Variants in RBL1 observed in about 807,000 individuals in gnomAD.
RBL1 encodes the protein retinoblastoma-like protein 1.
Under a neutral mutation model 123.0 loss-of-function variants are expected in RBL1, and 82 were observed. The observed-to-expected ratio is 0.67, with a 90% CI of 0.56 to 0.80. RBL1 has a LOEUF of 0.80. Among genes scored for constraint, RBL1 ranks in the 30% least tolerant of loss-of-function variants. The pLI, the probability that RBL1 is intolerant of heterozygous loss-of-function variation, is 0.00. For synonymous variants in RBL1, 405 were observed against 441.3 expected, an observed-to-expected ratio of 0.92 and a Z score of 1.03; for missense variants, 1,171 against 1,299.6, an observed-to-expected ratio of 0.90 and a Z score of 1.52.
chr20:37,042,072 CA>C (rs71186100), intron 13 of RBL1, among the ~76,000 whole-genome samples: 86 of 87,038 alleles, frequency 9.9e-4, no homozygotes, highest in Middle Eastern at 0.014. Context: ...GACTTTGTCT[CA>C]AAAAAAAAAA....
At chr20:36,999,617 G>C (rs970360395) in intron 21 of RBL1, among the ~76,000 whole-genome samples, 21 of 150,944 alleles carry the variant, frequency 1.4e-4, no homozygotes, top group Admixed American at 4.6e-4. Context: ...TCAGCCTGCC[G>C]AGTGCCTGCG....
At position 37,007,568 on chromosome 20, in the gene RBL1, A is replaced by C; in HGVS notation, c.2723-9T>G. On this transcript the variant is annotated splice_polypyrimidine_tract_variant and intron_variant, in intron 19 of 21. Transcript: ENST00000373664. ...TGTAGCATCTTCTAAGTCTGTTAAA[A>C]AGAATGCAATGTTGTGATACAAAGC... The C allele has an allele frequency of 6.2e-7, 1 of 1,610,074 alleles. No individual in the cohort carries two copies. The highest frequency in any genetic ancestry group is 8.5e-7 in the Non-Finnish European group (1 of 1,179,068).
chr20:37,008,898 G>A (rs575218270), intron 19 of RBL1, among the ~76,000 whole-genome samples: 2 of 152,246 alleles, frequency 1.3e-5, no homozygotes, highest in African/African-American at 4.8e-5. Flanking sequence ...TATTATATTG[G>A]AAATTCAGAA....
At chr20:37,060,001 T>C (rs974002873) in intron 9 of RBL1, among the ~76,000 whole-genome samples, 2 of 151,812 alleles carry the variant, frequency 1.3e-5, no homozygotes, top group Non-Finnish European at 2.9e-5. Context: ...GGAGAAACCC[T>C]GTCTCTACTA....
intron 16 of RBL1, among the ~76,000 whole-genome samples, chr20:37,030,869 CAAA>C (rs1327929145): frequency 8.3e-6 from 1 of 119,958 alleles, no homozygotes; most frequent in African/African-American, 3.1e-5. Context: ...AAAAAAAAAA[CAAA>C]AACAAAAAAC....
At chr20:37,040,641 C>A (rs1379454778) in intron 13 of RBL1, among the ~76,000 whole-genome samples, 9 of 152,202 alleles carry the variant, frequency 5.9e-5, no homozygotes, top group Admixed American at 5.9e-4. Flanking sequence ...GTGTGAGCCA[C>A]TGTGCCTGGC....
intron 2 of RBL1, among the ~76,000 whole-genome samples, chr20:37,070,031 G>A (rs987598029): frequency 1.3e-5 from 2 of 152,238 alleles, no homozygotes; most frequent in Admixed American, 6.5e-5. Context: ...ATAGAAGGGC[G>A]GGAAAGGTGG....
At chr20:37,023,453 C>T (rs970198035) in intron 16 of RBL1, among the ~76,000 whole-genome samples, 1 of 152,052 alleles carries the variant, frequency 6.6e-6, no homozygotes, top group Non-Finnish European at 1.5e-5. Context: ...GCTCAGAAGT[C>T]TCTGTCTATT....
intron 1 of RBL1, among the ~76,000 whole-genome samples, chr20:37,091,446 T>C (rs1213730205): frequency 1.3e-5 from 2 of 151,526 alleles, no homozygotes; most frequent in African/African-American, 2.4e-5. Flanking sequence ...AGGCAGAGGA[T>C]TGCTTGAGCT....
intron 2 of RBL1, among the ~76,000 whole-genome samples, chr20:37,071,897 A>C (rs1483877900): frequency 6.6e-6 from 1 of 152,104 alleles, no homozygotes; most frequent in East Asian, 1.9e-4. Context: ...TGAGGCCCTC[A>C]CCAGGAGCAG....
chr20:37,040,213 A>T lies in RBL1; in HGVS notation c.1843T>A (p.Ser615Thr). 1.2e-6 allele frequency: 2 copies of T among 1,614,044 alleles called. No homozygotes were observed. Among genetic ancestry groups the T allele is most frequent in the Non-Finnish European group, 1.7e-6 (2 of 1,179,990 alleles). The part of the protein sequence containing the change: ...VQGHLPLMPM[S>T]PLMHPRVKEV... ...TTGACTCTTGGGTGCATTAGAGGAG[A>T]CATTGGCATCAGGGGAAGATGTCCC... The change falls in exon 14 of 22, where the codon TCT becomes ACT. Residue 615 changes from serine (S) to threonine (T), a missense_variant. By Grantham distance (58) the Ser-to-Thr change is moderately conservative (BLOSUM62 1). Coordinates refer to ENST00000373664, the MANE Select transcript of RBL1 (RefSeq NM_002895.5).
rs542429604 is a variant in RBL1 at position 36,997,262 on chromosome 20, C to T, written c.*1497G>A. On this transcript the variant is annotated 3_prime_UTR_variant, in exon 22 of 22. Transcript: ENST00000373664. ...GCATCCCTAGTACTGAAAAGCATCC[C>T]TAACACTGAAAAAAGCATCCCTAGT... 2 of 152,072 alleles carry T rather than the reference C, an allele frequency of 1.3e-5. No individual in the cohort carries two copies. The highest frequency in any genetic ancestry group is 2.1e-4 in the South Asian group (1 of 4,808). The allele number at this position is 152,072 out of a possible 1,614,324, so 9.4% of individuals were successfully genotyped here. A position where few individuals can be genotyped will look rare whatever the true frequency, so the allele number is the denominator to read the frequency against.
At chr20:37,046,174 ATTAG>A (rs1476073723) in intron 12 of RBL1, among the ~76,000 whole-genome samples, 1 of 152,202 alleles carries the variant, frequency 6.6e-6, no homozygotes, top group African/African-American at 2.4e-5. Flanking sequence ...TTACGGCTTT[ATTAG>A]TTAGACCACC....
rs767784160 is a variant in RBL1 at position 37,089,099 on chromosome 20, T to G, written c.180A>C (p.Ala60=). 6.2e-7 allele frequency: 1 copy of G among 1,608,996 alleles called. No individual in the cohort carries two copies. The highest frequency in any genetic ancestry group is 1.7e-5 in the Admixed American group (1 of 59,330). The change falls in exon 2 of 22, where the codon GCA becomes GCC. Residue 60 remains alanine, a synonymous_variant. Coordinates refer to ENST00000373664, the MANE Select transcript of RBL1 (RefSeq NM_002895.5). ...SLEGEVTHWL[A]CSLYVACRKS... ...TGCGGCATGCAACATATAATGAACA[T>G]GCCAACCAGTGTGTAACTTCTCCCT...
chr20:37,050,661 C>A (rs932751273), intron 11 of RBL1, among the ~76,000 whole-genome samples: 1 of 150,048 alleles, frequency 6.7e-6, no homozygotes, highest in Admixed American at 6.6e-5. Flanking sequence ...AATGAAAGTT[C>A]CAGAAAGATA....
chr20:37,032,277 T>C (rs899023935), intron 16 of RBL1, among the ~76,000 whole-genome samples: 1 of 152,186 alleles, frequency 6.6e-6, no homozygotes, highest in Non-Finnish European at 1.5e-5. Context: ...CAAGCTATAA[T>C]ATGAATGAAC....
intron 3 of RBL1, among the ~76,000 whole-genome samples, chr20:37,067,766 C>CA (rs1168742059): frequency 0.036 from 2,225 of 62,566 alleles, 94 homozygotes; most frequent in Non-Finnish European, 0.043. Context: ...TGAGACTCCT[C>CA]AAAAAAAAAA....
At chr20:37,065,035 G>A (rs567569240) in intron 7 of RBL1, among the ~76,000 whole-genome samples, 6 of 150,234 alleles carry the variant, frequency 4.0e-5, no homozygotes, top group Middle Eastern at 6.8e-3. Flanking sequence ...AGATTCAAAC[G>A]ATCCTCCAAC....
chr20:37,042,901 C>CT (rs1454040901), intron 13 of RBL1, among the ~76,000 whole-genome samples: 1 of 110,102 alleles, frequency 9.1e-6, no homozygotes, highest in African/African-American at 3.3e-5. Context: ...CTTGTCCCCC[C>CT]CCCTCCAAAA....
Sources: allele counts gnomAD v4.1 joint callset (sites outside exome capture counted in the v4.1 genomes callset), GRCh38; gene constraint gnomAD v4.1.1; transcripts MANE v1.5; gene names NCBI Gene and HGNC (gene_info 2026-07-23, HGNC 2026-07-21).